ZFYVE1: variants seen among roughly 807,000 people sequenced by gnomAD.
The protein encoded by ZFYVE1 is zinc finger FYVE domain-containing protein 1.
A neutral mutation model predicts 74.4 loss-of-function variants in ZFYVE1; 30 were observed. That is an observed-to-expected ratio of 0.40 (90% CI 0.30 to 0.55). The LOEUF is 0.55. Among genes scored for constraint, ZFYVE1 ranks in the 20% least tolerant of loss-of-function variants. ZFYVE1 has a pLI of 0.42. For missense variants in ZFYVE1, 703 were observed against 1,011.6 expected (o/e 0.69, Z 4.14); for synonymous variants, 335 against 385.1 (o/e 0.87, Z 1.52).
intron 4 of ZFYVE1, among the ~76,000 whole-genome samples, chr14:72,982,867 G>T (rs1189365260): frequency 6.6e-6 from 1 of 151,790 alleles, no homozygotes; most frequent in Non-Finnish European, 1.5e-5. Flanking sequence ...TTTTGAGATG[G>T]AGTTTTGCTC....
intron 5 of ZFYVE1, among the ~76,000 whole-genome samples, chr14:72,981,015 T>C (rs1035094680): frequency 2.6e-5 from 4 of 152,064 alleles, no homozygotes; most frequent in African/African-American, 9.7e-5. Flanking sequence ...CAAAGTGCGG[T>C]CCACAAACCA....
chr14:72,977,273 G>A (rs919531187), intron 8 of ZFYVE1, among the ~76,000 whole-genome samples: 23 of 152,052 alleles, frequency 1.5e-4, no homozygotes, highest in Admixed American at 1.2e-3. Context: ...CGGGCGTGGC[G>A]GTCGTGCCTG....
intron 2 of ZFYVE1, among the ~76,000 whole-genome samples, chr14:73,006,701 C>T (rs917298564): frequency 6.7e-6 from 1 of 148,724 alleles, no homozygotes; most frequent in Admixed American, 6.8e-5. Flanking sequence ...GATCCCCCAC[C>T]CCAGTTCCTT....
At chr14:73,013,029 G>A (rs1894121100) in intron 2 of ZFYVE1, among the ~76,000 whole-genome samples, 1 of 152,140 alleles carries the variant, frequency 6.6e-6, no homozygotes, top group African/African-American at 2.4e-5. Context: ...CTTCATGCCA[G>A]AACCAGGCTC....
At chr14:72,992,851 A>G (rs928614745) in intron 4 of ZFYVE1, among the ~76,000 whole-genome samples, 1 of 152,188 alleles carries the variant, frequency 6.6e-6, no homozygotes. Context: ...GAGACTCAAC[A>G]TGACACCAAC....
chr14:72,998,435 C>T, intron 2 of ZFYVE1, 120 bp from the exon 3 acceptor site: 1 of 1,001,372 alleles, frequency 1.0e-6, no homozygotes, highest in Non-Finnish European at 1.4e-6. Flanking sequence ...GAAAGGAAGT[C>T]ACAGGATAAT....
intron 4 of ZFYVE1, among the ~76,000 whole-genome samples, chr14:72,982,698 A>C (rs1016520518): frequency 1.3e-5 from 2 of 152,240 alleles, no homozygotes; most frequent in African/African-American, 4.8e-5. Context: ...CCCAGTGTGA[A>C]GAAGCCAGGC....
chr14:72,984,496 TC>T (rs1893427733), intron 4 of ZFYVE1, among the ~76,000 whole-genome samples: 2 of 150,486 alleles, frequency 1.3e-5, no homozygotes, highest in Admixed American at 6.6e-5. Context: ...GCCATTGCAC[TC>T]CAGCCTGGGT....
At chr14:72,992,615 G>GCCCC (rs555003383) in intron 4 of ZFYVE1, among the ~76,000 whole-genome samples, 2,393 of 108,898 alleles carry the variant, frequency 0.022, 255 homozygotes, top group Non-Finnish European at 0.025. Flanking sequence ...CCATTCAGGT[G>GCCCC]CCCCCCCCGC....
At chr14:72,972,873 A>G (rs1211232546) in intron 11 of ZFYVE1, among the ~76,000 whole-genome samples, 1 of 151,896 alleles carries the variant, frequency 6.6e-6, no homozygotes, top group Non-Finnish European at 1.5e-5. Context: ...ACGCCTGGCT[A>G]ATTTTTTTGT....
At chr14:73,025,547 T>G (rs1023204422) in intron 1 of ZFYVE1, among the ~76,000 whole-genome samples, 7 of 151,576 alleles carry the variant, frequency 4.6e-5, no homozygotes, top group Admixed American at 6.6e-5. Flanking sequence ...AATACAAATA[T>G]TAGCTGGGCA....
Position 72,975,621 on chromosome 14 carries a change from G to C in ZFYVE1, c.1736C>G (p.Thr579Ser). Reference protein sequence around the residue: ...QSVSELSLGPTKAVTSWLTDQ... With the variant: ...QSVSELSLGPSKAVTSWLTDQ... ...TGTCAGCCAGGAAGTCACAGCCTTG[G>C]TGGGTCCAAGGCTAAGCTCGGACAC... is the stretch of plus-strand genomic sequence containing the variant. The change falls in exon 9 of 12, where the codon ACC becomes AGC. Residue 579 changes from threonine (T) to serine (S), a missense_variant. Around this residue, in one of 2 missense-constraint regions of ZFYVE1, gnomAD observed 492 missense variants for 790.0 expected, o/e 0.62. Coordinates refer to ENST00000556143, the MANE Select transcript of ZFYVE1 (RefSeq NM_021260.4). The surrounding 1 kb of genome is among the most constrained non-coding windows in gnomAD (Gnocchi z 4.1). The C allele has an allele frequency of 6.2e-7, 1 of 1,614,194 alleles. No individual in the cohort carries two copies. Among genetic ancestry groups the C allele is most frequent in the Admixed American group, 1.7e-5 (1 of 60,020 alleles).
At chr14:73,008,782 T>G (rs1178540590) in intron 2 of ZFYVE1, among the ~76,000 whole-genome samples, 1 of 152,178 alleles carries the variant, frequency 6.6e-6, no homozygotes, top group East Asian at 1.9e-4. Context: ...TAAAGGCCTG[T>G]CAGTAAGCAG....
rs1200800929 is a variant in ZFYVE1 at position 72,969,761 on chromosome 14, T to A, written c.*1121A>T. 1 of 702,016 alleles carries A rather than the reference T, an allele frequency of 1.4e-6. No homozygotes were observed. Among genetic ancestry groups the A allele is most frequent in the Non-Finnish European group, 2.6e-6 (1 of 384,712 alleles). 43.5% of individuals were successfully genotyped at this position (702,016 alleles called of 1,614,324 possible). A position where few individuals can be genotyped will look rare whatever the true frequency, so the allele number is the denominator to read the frequency against. On this transcript the variant is annotated 3_prime_UTR_variant, in exon 12 of 12. Transcript: ENST00000556143. The stretch of plus-strand genomic sequence containing the variant: ...TGACAGACAGAGATGTCCAGGCTCT[T>A]GAGGAGAAACAAAAGTTCCTTTGAC...
intron 3 of ZFYVE1, among the ~76,000 whole-genome samples, chr14:72,996,489 G>T (rs1893751757): frequency 6.6e-6 from 1 of 152,030 alleles, no homozygotes; most frequent in Non-Finnish European, 1.5e-5. Flanking sequence ...AACCTCTCAG[G>T]CTCAAGGGAT....
At chr14:72,980,761 G>T (rs1227699394) in intron 5 of ZFYVE1, among the ~76,000 whole-genome samples, 1 of 151,940 alleles carries the variant, frequency 6.6e-6, no homozygotes, top group African/African-American at 2.4e-5. Flanking sequence ...GTAGAGACAG[G>T]GTTTCACCAT....
rs1479710303 is a variant in ZFYVE1, at chr14:72,970,038, A to G, written c.*844T>C. On this transcript the variant is annotated 3_prime_UTR_variant, in exon 12 of 12. Coordinates refer to ENST00000556143, the MANE Select transcript of ZFYVE1 (RefSeq NM_021260.4). ...GGGCTTGAGGGGGCCGAGGGGTGGG[A>G]GGCAGATGCTTCGATTGAGGAGCTG... The G allele has an allele frequency of 2.5e-6, 1 of 395,810 alleles. No homozygotes were observed. The highest frequency in any genetic ancestry group is 4.5e-6 in the Non-Finnish European group (1 of 221,204). The allele number at this position is 395,810 out of a possible 1,614,324, so 24.5% of individuals were successfully genotyped here. A position where few individuals can be genotyped will look rare whatever the true frequency, so the allele number is the denominator to read the frequency against.
chr14:72,980,807 C>T (rs1026395463), intron 5 of ZFYVE1, among the ~76,000 whole-genome samples: 13 of 152,106 alleles, frequency 8.5e-5, no homozygotes, highest in Non-Finnish European at 1.8e-4. Context: ...CCACCTGCCT[C>T]GGCCTCCCCA....
At chr14:72,972,047 C>T (rs1893047663) in intron 11 of ZFYVE1, among the ~76,000 whole-genome samples, 1 of 152,056 alleles carries the variant, frequency 6.6e-6, no homozygotes, top group Non-Finnish European at 1.5e-5. Context: ...CATGGTGAAA[C>T]CCTGTCTCTA....
Sources: gnomAD v4.1 joint callset for allele counts (sites outside exome capture counted in the v4.1 genomes callset) on GRCh38, gnomAD v4.1.1 for gene constraint, gnomAD v4.1.1 regional missense constraint, Gnocchi (gnomAD v3.1) non-coding constraint, MANE v1.5 for transcripts, NCBI Gene and HGNC (gene_info 2026-07-23, HGNC 2026-07-21) for gene names.